GRM1: variants seen among roughly 807,000 people sequenced by gnomAD.
GRM1 encodes the protein metabotropic glutamate receptor 1.
In GRM1, 33 loss-of-function variants were observed where a neutral mutation model predicts 90.9. That is an observed-to-expected ratio of 0.36 (90% CI 0.28 to 0.49). GRM1 has a LOEUF of 0.49. GRM1 is among the 20% of genes least tolerant of loss of function. GRM1 has a pLI of 0.99. For missense variants in GRM1, 1,190 were observed against 1,534.3 expected (o/e 0.78, Z 3.75); for synonymous variants, 700 against 613.2 (o/e 1.14, Z -2.09).
chr6:146,235,822 C>T (rs1032954895), intron 2 of GRM1, among the ~76,000 whole-genome samples: 1 of 150,338 alleles, frequency 6.7e-6, no homozygotes, highest in Non-Finnish European at 1.5e-5. Context: ...TCTATCTGAT[C>T]ATGTCTGTTG....
Position 146,368,078 on chromosome 6 carries a change from T to C in GRM1, c.1602+10384T>C, listed in dbSNP as rs149508330. On this transcript the variant is annotated intron_variant, in intron 5 of 7. Coordinates refer to ENST00000282753, the MANE Select transcript of GRM1 (RefSeq NM_001278064.2). ...TATAGTTTTGATTGTAAAAATATTTTATCTCTTGGGTTAAATTTATTTACA... is the reference window on the plus strand; with the variant it reads ...TATAGTTTTGATTGTAAAAATATTTCATCTCTTGGGTTAAATTTATTTACA... 2.7e-3 allele frequency among the ~76,000 whole-genome samples: 412 copies of C among 152,274 alleles called. 1 individual carries two copies. Among genetic ancestry groups the C allele is most frequent in the African/African-American group, 9.5e-3 (395 of 41,568 alleles).
chr6:146,378,428 A>G (rs1776192974), intron 5 of GRM1, among the ~76,000 whole-genome samples: 1 of 152,204 alleles, frequency 6.6e-6, no homozygotes, highest in Admixed American at 6.5e-5. Flanking sequence ...GACCATGGGA[A>G]CCCACCTCTT....
intron 1 of GRM1, among the ~76,000 whole-genome samples, chr6:146,050,728 TGTTA>T (rs1458407444): frequency 1.3e-5 from 2 of 152,054 alleles, no homozygotes; most frequent in African/African-American, 4.8e-5. Context: ...TCCATTGTAG[TGTTA>T]GTTCATGCAG....
rs548082334 is a variant in GRM1, at chr6:146,363,828, C to T, written c.1602+6134C>T. Among the ~76,000 whole-genome samples the T allele has an allele frequency of 9.9e-5, 15 of 152,282 alleles. 1 individual carries two copies. The highest frequency in any genetic ancestry group is 2.1e-4 in the South Asian group (1 of 4,816). ...CTTATCATTTCCACTTTGCAGTGATCGAAACATTGCAACATGTTTGTCCAA... is the reference window on the plus strand; with the variant it reads ...CTTATCATTTCCACTTTGCAGTGATTGAAACATTGCAACATGTTTGTCCAA... On this transcript the variant is annotated intron_variant, in intron 5 of 7. Transcript: ENST00000282753.
intron 2 of GRM1, among the ~76,000 whole-genome samples, chr6:146,181,823 T>C (rs1448665307): frequency 6.6e-6 from 1 of 152,144 alleles, no homozygotes; most frequent in Non-Finnish European, 1.5e-5. Context: ...TCAGAATGAT[T>C]AACAATGAAA....
At chr6:146,192,890 A>C (rs578049268) in intron 2 of GRM1, among the ~76,000 whole-genome samples, 1 of 152,270 alleles carries the variant, frequency 6.6e-6, no homozygotes, top group Admixed American at 6.5e-5. Context: ...TGGAAGAAGG[A>C]GCTTTTACTA....
intron 7 of GRM1, among the ~76,000 whole-genome samples, chr6:146,410,114 G>A (rs1009586773): frequency 3.3e-5 from 5 of 152,134 alleles, no homozygotes; most frequent in Non-Finnish European, 7.3e-5. Context: ...TGTAATAAAA[G>A]TACATTAAAA....
At chr6:146,390,384 T>C (rs1583429158) in intron 6 of GRM1, among the ~76,000 whole-genome samples, 1 of 152,040 alleles carries the variant, frequency 6.6e-6, no homozygotes, top group East Asian at 1.9e-4. Context: ...CTTGTGAAAT[T>C]GCACATTTTA....
At position 146,399,700 on chromosome 6, in the gene GRM1, G is replaced by A. The variant is rs1442317924; in HGVS notation, c.2660+1G>A. On this transcript the variant is annotated splice_donor_variant, in intron 7 of 7. Coordinates refer to ENST00000282753, the MANE Select transcript of GRM1 (RefSeq NM_001278064.2). LOFTEE classifies it high-confidence loss of function. The surrounding 1 kb of genome is among the most constrained non-coding windows in gnomAD (Gnocchi z 5.4). ...AGAAGGCAGGGGCAGGGAATGCCAA[G>A]TGAGTTATCTGACCTGTTTGTCTCT... The A allele has an allele frequency of 1.3e-6, 2 of 1,596,024 alleles. No homozygotes were observed.
chr6:146,135,629 C>T (rs28583886), intron 1 of GRM1, among the ~76,000 whole-genome samples: 1 of 152,084 alleles, frequency 6.6e-6, no homozygotes, highest in Admixed American at 6.5e-5. Context: ...GGTTAGGTTT[C>T]CAAGGGCTTT....
At chr6:146,320,421 A>T (rs1562606268) in intron 3 of GRM1, among the ~76,000 whole-genome samples, 3 of 152,006 alleles carry the variant, frequency 2.0e-5, no homozygotes. Flanking sequence ...TTGGCCTGAA[A>T]TTTTCTTTTT....
chr6:146,142,419 A>G (rs374636721), intron 1 of GRM1, among the ~76,000 whole-genome samples: 1 of 152,078 alleles, frequency 6.6e-6, no homozygotes, highest in African/African-American at 2.4e-5. Flanking sequence ...GCTACTGCCT[A>G]TGTTTGCTGG....
intron 1 of GRM1, among the ~76,000 whole-genome samples, chr6:146,081,933 G>A (rs1299581701): frequency 6.6e-6 from 1 of 152,160 alleles, no homozygotes; most frequent in African/African-American, 2.4e-5. Context: ...GTGGAGAAGT[G>A]ACATTTTAGC....
At chr6:146,139,086 C>T (rs911830105) in intron 1 of GRM1, among the ~76,000 whole-genome samples, 8 of 151,952 alleles carry the variant, frequency 5.3e-5, no homozygotes, top group South Asian at 2.1e-4. Flanking sequence ...ATTGACCCAC[C>T]GGTCATTCAG....
At chr6:146,283,810 T>G (rs1444883779) in intron 2 of GRM1, among the ~76,000 whole-genome samples, 1 of 152,188 alleles carries the variant, frequency 6.6e-6, no homozygotes, top group Non-Finnish European at 1.5e-5. Context: ...ATTTCACCTT[T>G]ACAGGCTTCC....
intron 2 of GRM1, among the ~76,000 whole-genome samples, chr6:146,257,765 A>G (rs1419538752): frequency 6.6e-6 from 1 of 151,760 alleles, no homozygotes; most frequent in Non-Finnish European, 1.5e-5. Flanking sequence ...TTTTTGATTC[A>G]GGCTCTCAAT....
chr6:146,072,324 G>A (rs1484796775), intron 1 of GRM1, among the ~76,000 whole-genome samples: 1 of 152,074 alleles, frequency 6.6e-6, no homozygotes, highest in Admixed American at 6.6e-5. Context: ...TCTGCAAAAT[G>A]ACCAAGATAA....
chr6:146,197,162 C>A (rs941730567), intron 2 of GRM1, among the ~76,000 whole-genome samples: 2 of 152,136 alleles, frequency 1.3e-5, no homozygotes, highest in African/African-American at 4.8e-5. Context: ...TAGCAGGAAC[C>A]AGGAGAGTCT....
intron 2 of GRM1, among the ~76,000 whole-genome samples, chr6:146,259,388 A>G (rs745615628): frequency 6.6e-6 from 1 of 152,164 alleles, no homozygotes; most frequent in African/African-American, 2.4e-5. Flanking sequence ...GTTAGGCCCA[A>G]TGTTGTACAT....
Sources: gnomAD v4.1 joint callset for allele counts (sites outside exome capture counted in the v4.1 genomes callset) on GRCh38, gnomAD v4.1.1 for gene constraint, Gnocchi (gnomAD v3.1) non-coding constraint, MANE v1.5 for transcripts, NCBI Gene and HGNC (gene_info 2026-07-23, HGNC 2026-07-21) for gene names.